Variants in FCRL5 observed in about 807,000 individuals in gnomAD.
FCRL5 encodes Fc receptor like 5, also known as Fc receptor-like protein 5.
Under a neutral mutation model 92.1 loss-of-function variants are expected in FCRL5, and 79 were observed. The ratio of observed to expected loss-of-function variants is 0.86; its 90% CI spans 0.72 to 1.03. The LOEUF is 1.03. FCRL5 is among the 50% of genes least tolerant of loss of function. FCRL5 has a pLI of 0.00. For missense variants in FCRL5, 1,160 were observed against 1,181.1 expected (o/e 0.98, Z 0.26); for synonymous variants, 466 against 469.3 (o/e 0.99, Z 0.09).
At chr1:157,524,238 T>C (rs767749438) in intron 10 of FCRL5, 41 bp downstream of exon 10, 1 of 1,603,696 alleles carries the variant, frequency 6.2e-7, no homozygotes, top group Non-Finnish European at 8.5e-7. Context: ...ACAGGCACAG[T>C]CAGTTCTCAG....
intron 1 of FCRL5, among the ~76,000 whole-genome samples, chr1:157,551,342 T>C (rs772991472): frequency 6.6e-6 from 1 of 152,234 alleles, no homozygotes; most frequent in African/African-American, 2.4e-5. Context: ...TCAGGAATTA[T>C]AGTCCATGCA....
chr1:157,536,639 C>A (rs1394065729), intron 7 of FCRL5, among the ~76,000 whole-genome samples: 1 of 152,242 alleles, frequency 6.6e-6, no homozygotes, highest in Non-Finnish European at 1.5e-5. Context: ...TCTTCCCCAA[C>A]CTTATCTTGT....
At chr1:157,518,839 G>A in intron 13 of FCRL5, 57 bp from the exon 14 acceptor site, 1 of 1,446,908 alleles carries the variant, frequency 6.9e-7, no homozygotes, top group African/African-American at 1.4e-5. Flanking sequence ...TAGCTATAAT[G>A]ATCACTCCTA....
intron 1 of FCRL5, 76 bp downstream of exon 1, chr1:157,552,256 G>T: frequency 6.8e-7 from 1 of 1,461,338 alleles, no homozygotes; most frequent in South Asian, 1.1e-5. Context: ...TGAGCCCCAA[G>T]AAAGGACCAG....
intron 9 of FCRL5, 119 bp from the exon 10 acceptor site, chr1:157,524,676 C>T: frequency 1.8e-6 from 2 of 1,086,036 alleles, no homozygotes; most frequent in South Asian, 3.6e-5. Context: ...TGACATTACT[C>T]AAAACTCAGC....
chr1:157,524,658 T>C (rs1222318542), intron 9 of FCRL5, 101 bp from the exon 10 acceptor site: 23 of 1,317,356 alleles, frequency 1.7e-5, no homozygotes, highest in Non-Finnish European at 2.3e-5. Flanking sequence ...CAGTTTTTAA[T>C]GCCCTTGTGA....
chr1:157,519,131 C>T, intron 13 of FCRL5: 1 of 204,908 alleles, frequency 4.9e-6, no homozygotes, highest in South Asian at 1.0e-4. Context: ...AAAGCTGGCT[C>T]CGAACCCTGC....
At chr1:157,547,235 G>A (rs376037258) in intron 2 of FCRL5, 38 bp from the exon 3 acceptor site, 18 of 1,608,802 alleles carry the variant, frequency 1.1e-5, no homozygotes, top group Admixed American at 8.4e-5. Flanking sequence ...AGGTGGAGGC[G>A]CCTGCAGACC....
Position 157,527,834 on chromosome 1 carries a change from G to C in FCRL5, c.1743C>G (p.Asp581Glu). 6.2e-7 allele frequency: 1 copy of C among 1,612,098 alleles called. No individual in the cohort carries two copies. The highest frequency in any genetic ancestry group is 8.5e-7 in the Non-Finnish European group (1 of 1,178,796). ...RVPRAQAVVG[D>E]LLELHCEAPR... ...GGGCCTCACAGTGAAGCTCCAGCAG[G>C]TCCCCCACCACAGCCTGGGCCCTGG... Residue 581 changes from aspartate (D) to glutamate (E), a missense_variant, in exon 9 of 17, where the codon GAC becomes GAG. Physicochemically the swap from Asp to Glu is conservative, Grantham distance 45. Transcript: ENST00000361835.
chr1:157,534,767 C>T lies in FCRL5; in HGVS notation c.1528G>A (p.Glu510Lys), dbSNP rs201978439. The T allele has an allele frequency of 1.5e-5, 25 of 1,614,030 alleles. No homozygotes were observed. Among genetic ancestry groups the T allele is most frequent in the Middle Eastern group, 1.7e-4 (1 of 6,054 alleles). The change falls in exon 8 of 17, where the codon GAG (glutamate) becomes AAG (lysine). Residue 510 changes from glutamate (E) to lysine (K), a missense_variant. Physicochemically the swap from Glu to Lys is moderately conservative, Grantham distance 56. Coordinates refer to ENST00000361835, the MANE Select transcript of FCRL5 (RefSeq NM_031281.3). ...SPQILYQFYHEDMPLWSSSTP... is the reference protein window; with the variant it reads ...SPQILYQFYHKDMPLWSSSTP... ...GAGCTGCTCCACAGGGGCATGTCCTCATGATAAAACTGGTATAGGATTTGT... is the reference window on the plus strand; with the variant it reads ...GAGCTGCTCCACAGGGGCATGTCCTTATGATAAAACTGGTATAGGATTTGT...
chr1:157,520,968 C>A (rs1427687645), intron 11 of FCRL5, 49 bp downstream of exon 11: 2 of 1,557,634 alleles, frequency 1.3e-6, no homozygotes, highest in Non-Finnish European at 1.7e-6. Context: ...AGAGGGTCCG[C>A]GGAGGAAACA....
At chr1:157,525,147 G>A (rs1650371749) in intron 9 of FCRL5, among the ~76,000 whole-genome samples, 1 of 152,194 alleles carries the variant, frequency 6.6e-6, no homozygotes, top group Admixed American at 6.5e-5. Context: ...AATCTAGAAG[G>A]ATGAGAGGCA....
chr1:157,539,455 C>T (rs1651144883), intron 6 of FCRL5, 91 bp from the exon 7 acceptor site: 2 of 1,252,216 alleles, frequency 1.6e-6, no homozygotes, highest in Non-Finnish European at 2.2e-6. Context: ...CCCCAAATCA[C>T]TAAGCCAAAG....
Position 157,524,373 on chromosome 1 carries a change from G to A in FCRL5, c.2145C>T (p.Leu715=). The A allele has an allele frequency of 6.2e-7, 1 of 1,614,238 alleles. No individual in the cohort carries two copies. The highest frequency in any genetic ancestry group is 1.6e-4 in the Middle Eastern group (1 of 6,062). Residue 715 remains leucine, a synonymous_variant, in exon 10 of 17, where the codon CTC becomes CTT. Coordinates refer to ENST00000361835, the MANE Select transcript of FCRL5 (RefSeq NM_031281.3). ...TTCCAGAATGTTCTGTAGTCAGAGAGAGGTTGAAGGAGGCCCCTCCTCCAG... is the reference window on the plus strand; with the variant it reads ...TTCCAGAATGTTCTGTAGTCAGAGAAAGGTTGAAGGAGGCCCCTCCTCCAG... ...APSGGGASFN[L]SLTTEHSGIY...
chr1:157,541,266 G>A (rs190474524), intron 6 of FCRL5, among the ~76,000 whole-genome samples: 64 of 152,216 alleles, frequency 4.2e-4, no homozygotes, highest in African/African-American at 1.3e-3. Flanking sequence ...CCAACTGGAC[G>A]CTCTCTTGAT....
intron 9 of FCRL5, 126 bp from the exon 10 acceptor site, chr1:157,524,683 C>G: frequency 9.3e-7 from 1 of 1,074,850 alleles, no homozygotes; most frequent in East Asian, 2.6e-5. Flanking sequence ...ACTCAAAACT[C>G]AGCAATATTT....
At chr1:157,541,216 A>G (rs1372867189) in intron 6 of FCRL5, among the ~76,000 whole-genome samples, 1 of 152,098 alleles carries the variant, frequency 6.6e-6, no homozygotes, top group Non-Finnish European at 1.5e-5. Flanking sequence ...CTTCCTTCTC[A>G]AGTCCCAACT....
intron 8 of FCRL5, chr1:157,533,452 A>G (rs1650789734): frequency 6.6e-6 from 1 of 152,146 alleles, no homozygotes; most frequent in South Asian, 2.1e-4. Context: ...TTGGTATTTC[A>G]TTTCTAAAAT....
At chr1:157,527,444 A>G (rs1650480898) in intron 9 of FCRL5, among the ~76,000 whole-genome samples, 173 bp downstream of exon 9, 1 of 152,236 alleles carries the variant, frequency 6.6e-6, no homozygotes. Context: ...GGGAAGGTGC[A>G]AGTTCCTGAA....
Sources: allele counts gnomAD v4.1 joint callset (sites outside exome capture counted in the v4.1 genomes callset), GRCh38; gene constraint gnomAD v4.1.1; transcripts MANE v1.5; gene names NCBI Gene and HGNC (gene_info 2026-07-23, HGNC 2026-07-21).